Variants in KLHL1 observed in about 807,000 individuals in gnomAD.
The protein encoded by KLHL1 is kelch-like protein 1.
KLHL1 carries 47 observed loss-of-function variants against 77.7 expected under a neutral mutation model. The ratio of observed to expected loss-of-function variants is 0.60; its 90% confidence interval spans 0.48 to 0.77. The LOEUF (loss-of-function observed/expected upper bound fraction) is 0.77, where lower values mean the gene tolerates loss of function less well. Among genes scored for constraint, KLHL1 ranks in the 30% least tolerant of loss-of-function variants. The pLI, the probability that KLHL1 is intolerant of heterozygous loss-of-function variation, is 0.00. For missense variants in KLHL1, 925 were observed against 910.8 expected (o/e 1.02, Z -0.20); for synonymous variants, 360 against 325.2 (o/e 1.11, Z -1.15).
intron 1 of KLHL1, among the ~76,000 whole-genome samples, chr13:70,072,564 G>C (rs1451741065): frequency 6.6e-6 from 1 of 151,938 alleles, no homozygotes; most frequent in Non-Finnish European, 1.5e-5. Flanking sequence ...ACATCAAATA[G>C]AAAAATGTAT....
chr13:69,851,824 T>G (rs1879702069), intron 5 of KLHL1, among the ~76,000 whole-genome samples: 1 of 151,860 alleles, frequency 6.6e-6, no homozygotes, highest in Non-Finnish European at 1.5e-5. Flanking sequence ...TCATGAAGAC[T>G]AAGATGATCA....
At chr13:69,847,395 C>T (rs1211618141) in intron 5 of KLHL1, among the ~76,000 whole-genome samples, 2 of 118,146 alleles carry the variant, frequency 1.7e-5, no homozygotes, top group East Asian at 2.4e-4. Context: ...TAGAGTAATA[C>T]TGCATTAGCA....
At position 69,831,655 on chromosome 13, in the gene KLHL1, C is replaced by T. The variant is rs1023172039; in HGVS notation, c.1414+7321G>A. Among the ~76,000 whole-genome samples the T allele has an allele frequency of 5.3e-5, 8 of 149,868 alleles. 1 individual carries two copies. In the Admixed American group the frequency reaches 5.3e-4, roughly 10 times the overall value. ...GGAAAGGACATAATAAAAAAGAAAA[C>T]TACAGACAAATGTCCCTAATACACA... On this transcript the variant is annotated intron_variant, in intron 6 of 10. Coordinates refer to ENST00000377844, the MANE Select transcript of KLHL1 (RefSeq NM_020866.3).
intron 4 of KLHL1, among the ~76,000 whole-genome samples, chr13:69,913,100 T>C (rs1882293600): frequency 6.6e-6 from 1 of 152,186 alleles, no homozygotes; most frequent in Admixed American, 6.5e-5. Flanking sequence ...CACCCAGCTA[T>C]GCCTTTCTCC....
At chr13:69,942,683 G>A (rs1236778047) in intron 3 of KLHL1, among the ~76,000 whole-genome samples, 1 of 152,050 alleles carries the variant, frequency 6.6e-6, no homozygotes, top group Non-Finnish European at 1.5e-5. Context: ...ATGTGTATGT[G>A]TGTATTTATG....
chr13:69,978,228 T>C (rs17086036), intron 1 of KLHL1, among the ~76,000 whole-genome samples: 1 of 152,018 alleles, frequency 6.6e-6, no homozygotes, highest in South Asian at 2.1e-4. Flanking sequence ...AGAATGAACA[T>C]ACTATTGACT....
At chr13:69,922,673 A>G (rs1593952699) in intron 4 of KLHL1, among the ~76,000 whole-genome samples, 1 of 152,196 alleles carries the variant, frequency 6.6e-6, no homozygotes, top group South Asian at 2.1e-4. Flanking sequence ...TTAAAAAAAC[A>G]TATTTATAGG....
chr13:69,899,200 T>A (rs1193917163), intron 4 of KLHL1, among the ~76,000 whole-genome samples: 1 of 152,136 alleles, frequency 6.6e-6, no homozygotes, highest in East Asian at 1.9e-4. Flanking sequence ...TCGACTCGAT[T>A]TGTTGCATGG....
chr13:69,755,934 T>G (rs2137956462), intron 7 of KLHL1, among the ~76,000 whole-genome samples: 1 of 152,298 alleles, frequency 6.6e-6, no homozygotes, highest in African/African-American at 2.4e-5. Context: ...TTCTTAATCT[T>G]TTTGATTCTC....
chr13:69,754,047 G>T (rs762610519), intron 7 of KLHL1, among the ~76,000 whole-genome samples: 3 of 151,398 alleles, frequency 2.0e-5, no homozygotes, highest in Admixed American at 6.6e-5. Context: ...TACCTTTGTT[G>T]CCCAGGATGG....
chr13:69,883,727 A>T (rs1881091659), intron 4 of KLHL1, among the ~76,000 whole-genome samples: 1 of 152,242 alleles, frequency 6.6e-6, no homozygotes, highest in Non-Finnish European at 1.5e-5. Flanking sequence ...AAATTGTAGA[A>T]ACAGCACAGG....
chr13:69,988,099 A>G (rs11841320), intron 1 of KLHL1, among the ~76,000 whole-genome samples: 23,320 of 150,708 alleles, frequency 0.15, 3,801 homozygotes, highest in African/African-American at 0.42. Flanking sequence ...TGGCGGGGGG[A>G]ACCTCTCCTT....
intron 1 of KLHL1, among the ~76,000 whole-genome samples, chr13:70,101,401 C>A (rs1887918687): frequency 6.6e-6 from 1 of 151,664 alleles, no homozygotes. Context: ...TTTTGGGTAC[C>A]TGAAAATCCA....
chr13:70,105,424 ATAAAG>A (rs1888028545), intron 1 of KLHL1, among the ~76,000 whole-genome samples: 1 of 151,638 alleles, frequency 6.6e-6, no homozygotes, highest in Non-Finnish European at 1.5e-5. Flanking sequence ...TGTATTTGGT[ATAAAG>A]TAAACTTTAA....
chr13:69,767,506 G>A (rs1188096782), intron 7 of KLHL1, among the ~76,000 whole-genome samples: 2 of 152,032 alleles, frequency 1.3e-5, no homozygotes, highest in Admixed American at 6.6e-5. Flanking sequence ...AGACCAGCCT[G>A]GGTAACATAC....
At chr13:69,897,065 G>A (rs1221734909) in intron 4 of KLHL1, among the ~76,000 whole-genome samples, 1 of 151,990 alleles carries the variant, frequency 6.6e-6, no homozygotes, top group African/African-American at 2.4e-5. Context: ...AATATTAGTG[G>A]TATTATCTAG....
intron 7 of KLHL1, among the ~76,000 whole-genome samples, chr13:69,781,225 AAGG>A (rs1242182970): frequency 6.6e-6 from 1 of 151,928 alleles, no homozygotes; most frequent in Non-Finnish European, 1.5e-5. Flanking sequence ...CTGAAAAGGA[AAGG>A]AGGTCTTTGA....
At chr13:69,763,969 A>C (rs1875146258) in intron 7 of KLHL1, among the ~76,000 whole-genome samples, 1 of 152,076 alleles carries the variant, frequency 6.6e-6, no homozygotes, top group African/African-American at 2.4e-5. Context: ...TTTCCACCTT[A>C]CAAAACGCTC....
At chr13:69,878,487 T>C (rs1280341694) in intron 5 of KLHL1, among the ~76,000 whole-genome samples, 2 of 152,140 alleles carry the variant, frequency 1.3e-5, no homozygotes, top group East Asian at 3.9e-4. Flanking sequence ...AAGTACTGTT[T>C]CCTTTTGAAA....
Sources: allele counts gnomAD v4.1 joint callset (sites outside exome capture counted in the v4.1 genomes callset), GRCh38; gene constraint gnomAD v4.1.1; transcripts MANE v1.5; gene names NCBI Gene and HGNC (gene_info 2026-07-23, HGNC 2026-07-21).